Variants in EPB41L4B observed in about 807,000 individuals in gnomAD.
EPB41L4B encodes band 4.1-like protein 4B.
EPB41L4B carries 30 observed loss-of-function variants against 112.5 expected under a neutral mutation model. That is an observed-to-expected ratio of 0.27 (90% CI 0.20 to 0.36). The LOEUF is 0.36. Ranked by LOEUF, EPB41L4B falls within the 10% of genes least tolerant of loss-of-function variation. The pLI is 1.00. For synonymous variants in EPB41L4B, 408 were observed against 439.7 expected, an observed-to-expected ratio of 0.93 and a Z score of 0.90; for missense variants, 1,024 against 1,133.3, an observed-to-expected ratio of 0.90 and a Z score of 1.38.
chr9:109,251,987 T>C (rs984966156), intron 12 of EPB41L4B, among the ~76,000 whole-genome samples: 8 of 152,132 alleles, frequency 5.3e-5, no homozygotes, highest in African/African-American at 1.9e-4. Context: ...AGGATAGATG[T>C]GGCAGGGAAA....
rs1832483177 is a variant in EPB41L4B at position 109,192,207 on chromosome 9, C to T, written c.2301+71G>A. 11 of 1,229,124 alleles carry T rather than the reference C, an allele frequency of 8.9e-6. No individual in the cohort carries two copies. In the South Asian group the frequency reaches 1.6e-4, roughly 17 times the overall value. The allele number at this position is 1,229,124 out of a possible 1,614,324, so 76.1% of individuals were successfully genotyped here. A position where few individuals can be genotyped will look rare whatever the true frequency, so the allele number is the denominator to read the frequency against. ...CCTCAACAGCAATGCCCACCTCTGT[C>T]CATCCGTCCCACTGCCAAGATGTTT... On this transcript the variant is annotated intron_variant, in intron 22 of 25. Transcript: ENST00000374566.
In EPB41L4B at chr9:109,320,251, G is replaced by A; in HGVS notation, c.196C>T (p.Leu66=). 1.6e-6 allele frequency: 2 copies of A among 1,230,840 alleles called. No homozygotes were observed. Among genetic ancestry groups the A allele is most frequent in the Non-Finnish European group, 2.0e-6 (2 of 981,090 alleles). The allele number at this position is 1,230,840 out of a possible 1,614,324, so 76.2% of individuals were successfully genotyped here. ...TGCACGGCCGCGCCGCCGGTGAGCA[G>A]GGGCCCGCCGCCCGCCGGGAACACG... ...GSVFPAGGGP[L]LTGGAAVHIS... Residue 66 remains leucine, a synonymous_variant, in exon 1 of 26, where the codon CTG becomes TTG. Transcript: ENST00000374566.
intron 17 of EPB41L4B, among the ~76,000 whole-genome samples, chr9:109,208,848 C>A (rs1833066271): frequency 6.6e-6 from 1 of 152,228 alleles, no homozygotes; most frequent in South Asian, 2.1e-4. Flanking sequence ...TATTGTTAAC[C>A]ATGCCTATTG....
Position 109,176,544 on chromosome 9 carries a change from G to T in EPB41L4B, c.2633+7C>A. 6.2e-7 allele frequency: 1 copy of T among 1,604,908 alleles called. No homozygotes were observed. Among genetic ancestry groups the T allele is most frequent in the Non-Finnish European group, 8.5e-7 (1 of 1,175,464 alleles). On this transcript the variant is annotated splice_region_variant and intron_variant, in intron 25 of 25. Coordinates refer to ENST00000374566, the MANE Select transcript of EPB41L4B (RefSeq NM_019114.5). ...ATTACCTGTCGGAACCTGCTGACCTGACCTACCTGGCTGCCAGAGAAACAG... is the reference window on the plus strand; with the variant it reads ...ATTACCTGTCGGAACCTGCTGACCTTACCTACCTGGCTGCCAGAGAAACAG...
intron 15 of EPB41L4B, among the ~76,000 whole-genome samples, chr9:109,231,185 G>A (rs980665216): frequency 4.7e-5 from 7 of 149,978 alleles, no homozygotes; most frequent in Admixed American, 2.7e-4. Flanking sequence ...GGTCAAAACT[G>A]CATTTTTGGG....
rs151176996 is a variant in EPB41L4B at position 109,285,230 on chromosome 9, G to A, written c.307-5309C>T. 3.7e-3 allele frequency among the ~76,000 whole-genome samples: 557 copies of A among 152,310 alleles called. 1 individual carries two copies. Among genetic ancestry groups the A allele is most frequent in the African/African-American group, 0.012 (508 of 41,566 alleles). ...ACTGAACCATCACAGCTCTACTTACGTAAAATGAAGAGGGTTAGCCTAAGT... is the reference window on the plus strand; with the variant it reads ...ACTGAACCATCACAGCTCTACTTACATAAAATGAAGAGGGTTAGCCTAAGT... On this transcript the variant is annotated intron_variant, in intron 1 of 25. Coordinates refer to ENST00000374566, the MANE Select transcript of EPB41L4B (RefSeq NM_019114.5).
Position 109,222,265 on chromosome 9 carries a change from C to T in EPB41L4B, c.1410-5120G>A, listed in dbSNP as rs552892324. ...TGAGGGTCAGAGAAGCTGCCTGAAG[C>T]CGCCTGAATCTGCTCAGGTGAAAGG... On this transcript the variant is annotated intron_variant, in intron 15 of 25. Transcript: ENST00000374566. Among the ~76,000 whole-genome samples, 47 of 152,120 alleles carry T rather than the reference C, an allele frequency of 3.1e-4. 1 individual carries two copies. Among genetic ancestry groups the T allele is most frequent in the Non-Finnish European group, 5.9e-4 (40 of 68,034 alleles).
At chr9:109,275,286 G>A (rs959371958) in intron 2 of EPB41L4B, among the ~76,000 whole-genome samples, 4 of 152,196 alleles carry the variant, frequency 2.6e-5, no homozygotes, top group African/African-American at 9.7e-5. Flanking sequence ...CATGTCAGGG[G>A]CTGGGTGGGA....
At chr9:109,216,226 G>A (rs572130879) in intron 16 of EPB41L4B, among the ~76,000 whole-genome samples, 3 of 151,954 alleles carry the variant, frequency 2.0e-5, no homozygotes, top group Admixed American at 6.6e-5. Flanking sequence ...AGGTGGAGGC[G>A]GGGCACTGTG....
chr9:109,217,140 G>C lies in EPB41L4B; in HGVS notation c.1415C>G (p.Pro472Arg), dbSNP rs376339080. The change falls in exon 16 of 26, where the codon CCG (proline) becomes CGG (arginine). Residue 472 changes from proline (P) to arginine (R), a missense_variant. Pro to Arg is a moderately radical substitution (Grantham distance 103). Coordinates refer to ENST00000374566, the MANE Select transcript of EPB41L4B (RefSeq NM_019114.5). ...WHPHSPNVSY[P>R]LPSPVLSSSD... is the part of the protein sequence containing the mutation. Reference sequence around the variant, plus strand: ...GCTGCTAAGCACTGGGGAAGGGAGCGGGTAGCTGTGGAGGGTGACACAGTC... The same window carrying C: ...GCTGCTAAGCACTGGGGAAGGGAGCCGGTAGCTGTGGAGGGTGACACAGTC... The C allele has an allele frequency of 1.2e-6, 2 of 1,613,618 alleles. No individual in the cohort carries two copies. The highest frequency in any genetic ancestry group is 1.1e-5 in the South Asian group (1 of 91,050).
At chr9:109,183,048 G>A (rs779699787) in intron 23 of EPB41L4B, among the ~76,000 whole-genome samples, 9 of 152,090 alleles carry the variant, frequency 5.9e-5, no homozygotes, top group Non-Finnish European at 1.2e-4. Flanking sequence ...TTCCTAGAGC[G>A]CCCCCACACT....
intron 2 of EPB41L4B, among the ~76,000 whole-genome samples, chr9:109,275,769 A>C (rs2119116807): frequency 6.6e-6 from 1 of 152,316 alleles, no homozygotes; most frequent in African/African-American, 2.4e-5. Context: ...AGGGTGTACT[A>C]GAAAGAGCAC....
intron 1 of EPB41L4B, among the ~76,000 whole-genome samples, chr9:109,296,460 C>G (rs1223898412): frequency 6.6e-6 from 1 of 152,166 alleles, no homozygotes; most frequent in African/African-American, 2.4e-5. Flanking sequence ...CAGTAAATTT[C>G]TTACCTAGCA....
At chr9:109,221,718 A>G (rs1372027922) in intron 15 of EPB41L4B, among the ~76,000 whole-genome samples, 3 of 152,256 alleles carry the variant, frequency 2.0e-5, no homozygotes, top group African/African-American at 7.2e-5. Context: ...CTTTGAGCAG[A>G]GAAAATTATG....
intron 18 of EPB41L4B, among the ~76,000 whole-genome samples, chr9:109,205,516 A>G (rs1452793896): frequency 6.6e-6 from 1 of 152,204 alleles, no homozygotes; most frequent in Admixed American, 6.5e-5. Context: ...TTGTTCTGTG[A>G]TAGTATAAAA....
chr9:109,316,369 C>T (rs558316925), intron 1 of EPB41L4B, among the ~76,000 whole-genome samples: 3 of 152,342 alleles, frequency 2.0e-5, no homozygotes, highest in South Asian at 2.1e-4. Flanking sequence ...CAACGGGAGG[C>T]GGGGCTGAGC....
At chr9:109,283,932 A>G (rs1297136556) in intron 1 of EPB41L4B, among the ~76,000 whole-genome samples, 2 of 68,932 alleles carry the variant, frequency 2.9e-5, no homozygotes, top group African/African-American at 1.1e-4. Context: ...ACAAAAAAGT[A>G]AAAAAAAAAA....
intron 17 of EPB41L4B, among the ~76,000 whole-genome samples, chr9:109,210,058 AT>A: frequency 6.6e-6 from 1 of 152,052 alleles, no homozygotes; most frequent in African/African-American, 2.4e-5. Flanking sequence ...TTCAGGTTAG[AT>A]TCTTTAGTTA....
chr9:109,226,509 C>T (rs1833761793), intron 15 of EPB41L4B, among the ~76,000 whole-genome samples: 1 of 151,228 alleles, frequency 6.6e-6, no homozygotes, highest in Non-Finnish European at 1.5e-5. Context: ...ATAACCAATT[C>T]CCTGAATTAA....
Sources: gnomAD v4.1 joint callset for allele counts (sites outside exome capture counted in the v4.1 genomes callset) on GRCh38, gnomAD v4.1.1 for gene constraint, MANE v1.5 for transcripts, NCBI Gene and HGNC (gene_info 2026-07-23, HGNC 2026-07-21) for gene names.